TCF7L2: variants seen among roughly 807,000 people sequenced by gnomAD.
The protein encoded by TCF7L2 is transcription factor 7-like 2.
A neutral mutation model predicts 77.9 loss-of-function variants in TCF7L2; 23 were observed. That is an observed-to-expected ratio of 0.30 (90% CI 0.21 to 0.42). TCF7L2 has a LOEUF of 0.42. Ranked by LOEUF, TCF7L2 falls within the 10% of genes least tolerant of loss-of-function variation. The pLI is 1.00. For missense variants in TCF7L2, 654 were observed against 793.1 expected (o/e 0.82, Z 2.11); for synonymous variants, 413 against 340.2 (o/e 1.21, Z -2.36).
At chr10:113,049,492 G>A (rs941700546) in intron 5 of TCF7L2, among the ~76,000 whole-genome samples, 7 of 151,956 alleles carry the variant, frequency 4.6e-5, no homozygotes, top group East Asian at 3.9e-4. Flanking sequence ...GGCATCCACC[G>A]CTTATCACCA....
At chr10:113,096,102 T>G (rs1245211918) in intron 5 of TCF7L2, among the ~76,000 whole-genome samples, 1 of 152,206 alleles carries the variant, frequency 6.6e-6, no homozygotes, top group Non-Finnish European at 1.5e-5. Flanking sequence ...AAATTAGCCT[T>G]AAGACTTTGT....
At chr10:112,999,020 G>T (rs4267006) in intron 4 of TCF7L2, among the ~76,000 whole-genome samples, 24,415 of 152,182 alleles carry the variant, frequency 0.16, 2,507 homozygotes, top group Middle Eastern at 0.33. Context: ...ATTAAAAAAA[G>T]TATTTTATTT....
intron 3 of TCF7L2, among the ~76,000 whole-genome samples, chr10:112,963,040 C>T (rs142727445): frequency 3.3e-5 from 5 of 152,026 alleles, no homozygotes; most frequent in African/African-American, 1.2e-4. Context: ...TTCATTGTGT[C>T]TCCTTTTAAT....
intron 5 of TCF7L2, among the ~76,000 whole-genome samples, chr10:113,049,855 G>A (rs951543855): frequency 1.3e-5 from 2 of 152,212 alleles, no homozygotes; most frequent in African/African-American, 4.8e-5. Context: ...TGCTTCGAGT[G>A]GAGCTTTTGT....
chr10:112,986,182 A>G (rs987469110), intron 4 of TCF7L2, among the ~76,000 whole-genome samples: 3 of 151,992 alleles, frequency 2.0e-5, no homozygotes, highest in Non-Finnish European at 4.4e-5. Context: ...CAGGAGACAG[A>G]TGACTTGGGA....
chr10:113,030,880 A>T (rs1257502036), intron 4 of TCF7L2, among the ~76,000 whole-genome samples: 1 of 152,160 alleles, frequency 6.6e-6, no homozygotes, highest in African/African-American at 2.4e-5. Flanking sequence ...TTGCCTGAAG[A>T]CTTTGAGATG....
chr10:113,114,785 G>A (rs1332484265), intron 5 of TCF7L2, among the ~76,000 whole-genome samples: 1 of 152,178 alleles, frequency 6.6e-6, no homozygotes, highest in Non-Finnish European at 1.5e-5. Context: ...GAAAGAGTAT[G>A]TGTTTTACTG....
At chr10:113,083,091 T>C (rs539057926) in intron 5 of TCF7L2, among the ~76,000 whole-genome samples, 6 of 152,232 alleles carry the variant, frequency 3.9e-5, no homozygotes, top group African/African-American at 1.4e-4. Context: ...GTAGACTTCA[T>C]TTCTGCATGC....
chr10:113,157,996 C>T (rs2137360679), intron 11 of TCF7L2, 25 bp from the exon 12 acceptor site: 1 of 1,571,572 alleles, frequency 6.4e-7, no homozygotes, highest in Non-Finnish European at 8.6e-7. Context: ...TGCAGTAATT[C>T]CCTGTGTTTC....
At chr10:113,119,492 G>T (rs926865584) in intron 5 of TCF7L2, among the ~76,000 whole-genome samples, 1 of 152,108 alleles carries the variant, frequency 6.6e-6, no homozygotes, top group Non-Finnish European at 1.5e-5. Flanking sequence ...AGATGCTTAG[G>T]TTATGTGCAA....
At chr10:113,071,092 G>A (rs1215914768) in intron 5 of TCF7L2, among the ~76,000 whole-genome samples, 2 of 152,266 alleles carry the variant, frequency 1.3e-5, no homozygotes, top group Admixed American at 6.5e-5. Flanking sequence ...GGTTTTTGAT[G>A]GAATCTTAGC....
Position 113,141,267 on chromosome 10 carries a change from G to T in TCF7L2, c.636G>T (p.Thr212=), listed in dbSNP as rs747875356. Residue 212 remains threonine, a synonymous_variant, in exon 6 of 14, where the codon ACG becomes ACT. Coordinates refer to ENST00000627217, the MANE Select transcript of TCF7L2 (RefSeq NM_001146274.2). ...TCACGTACAGCAATGAACACTTCACGCCGGGAAACCCACCTCCACACTTAC... is the reference window on the plus strand; with the variant it reads ...TCACGTACAGCAATGAACACTTCACTCCGGGAAACCCACCTCCACACTTAC... 1.9e-6 allele frequency: 3 copies of T among 1,614,108 alleles called. No individual in the cohort carries two copies. The highest frequency in any genetic ancestry group is 2.5e-6 in the Non-Finnish European group (3 of 1,180,034).
rs2136840279 is a variant in TCF7L2 at position 113,141,249 on chromosome 10, C to T, written c.618C>T (p.Tyr206=). 3 of 1,614,176 alleles carry T rather than the reference C, an allele frequency of 1.9e-6. No homozygotes were observed. Among genetic ancestry groups the T allele is most frequent in the Non-Finnish European group, 1.7e-6 (2 of 1,180,044 alleles). ...ACCCCCTCACGCCTCTTATCACGTA[C>T]AGCAATGAACACTTCACGCCGGGAA... Residue 206 remains tyrosine, a synonymous_variant, in exon 6 of 14, where the codon TAC becomes TAT. Transcript: ENST00000627217.
intron 5 of TCF7L2, among the ~76,000 whole-genome samples, chr10:113,056,460 G>C (rs1455105013): frequency 1.3e-5 from 2 of 152,192 alleles, no homozygotes; most frequent in Non-Finnish European, 2.9e-5. Context: ...CCCGTCTCCA[G>C]GAGGGCGGTT....
chr10:113,165,704 C>A lies in TCF7L2; in HGVS notation c.1541C>A (p.Thr514Asn), dbSNP rs781575767. Residue 514 changes from threonine to asparagine, a missense_variant, in exon 14 of 14, where the codon ACC (threonine) becomes AAC (asparagine). Physicochemically the swap from Thr to Asn is moderately conservative, Grantham distance 65. Transcript: ENST00000627217. Reference sequence around the variant, plus strand: ...GACGCCAAGTCACAGACTGAGCAGACCCAGCCTCTGTCGCTGTCCCTGAAG... The same window carrying A: ...GACGCCAAGTCACAGACTGAGCAGAACCAGCCTCTGTCGCTGTCCCTGAAG... 2 of 1,612,594 alleles carry A rather than the reference C, an allele frequency of 1.2e-6. No individual in the cohort carries two copies. The highest frequency in any genetic ancestry group is 1.3e-5 in the African/African-American group (1 of 74,648).
chr10:113,164,008 C>T (rs1453668476), intron 13 of TCF7L2, among the ~76,000 whole-genome samples: 2 of 152,208 alleles, frequency 1.3e-5, no homozygotes, highest in East Asian at 1.9e-4. Context: ...TGGTTGCTTC[C>T]AGCGGCAGAA....
chr10:113,129,682 T>A, intron 5 of TCF7L2: 1 of 1,191,892 alleles, frequency 8.4e-7, no homozygotes, highest in Non-Finnish European at 1.1e-6. Context: ...TGGAGCCATT[T>A]CGATCTTTTT....
chr10:112,972,591 C>T (rs2038515848), intron 4 of TCF7L2, among the ~76,000 whole-genome samples: 1 of 152,136 alleles, frequency 6.6e-6, no homozygotes, highest in South Asian at 2.1e-4. Context: ...CCACCTCAGC[C>T]TCTTGAGTAG....
chr10:113,118,131 T>G (rs891610910), intron 5 of TCF7L2, among the ~76,000 whole-genome samples: 1 of 152,106 alleles, frequency 6.6e-6, no homozygotes, highest in African/African-American at 2.4e-5. Context: ...ACTGGTGGTG[T>G]TTTAATTTTC....
Sources: allele counts gnomAD v4.1 joint callset (sites outside exome capture counted in the v4.1 genomes callset), GRCh38; gene constraint gnomAD v4.1.1; transcripts MANE v1.5; gene names NCBI Gene and HGNC (gene_info 2026-07-23, HGNC 2026-07-21).